The following SDK1 variants were observed in gnomAD, a reference collection of about 807,000 sequenced individuals.
SDK1 encodes sidekick cell adhesion molecule 1, also known as protein sidekick-1.
SDK1 carries 157 observed loss-of-function variants against 245.5 expected under a neutral mutation model. The observed-to-expected ratio is 0.64, with a 90% confidence interval of 0.56 to 0.73. The LOEUF (loss-of-function observed/expected upper bound fraction) is 0.73. Ranked by LOEUF, SDK1 falls within the 30% of genes least tolerant of loss-of-function variation. The probability of loss-of-function intolerance (pLI) is 0.00; values close to 1 mark genes in which losing one functional copy is unlikely to be tolerated. For synonymous variants in SDK1, 1,647 were observed against 1,278.5 expected (o/e 1.29, Z -6.15); for missense variants, 3,583 against 3,002.3 (o/e 1.19, Z -4.52).
intron 39 of SDK1, 85 bp downstream of exon 39, chr7:4,220,355 T>C: frequency 1.4e-6 from 2 of 1,448,504 alleles, no homozygotes; most frequent in Non-Finnish European, 1.9e-6. Context: ...TCCATCTACA[T>C]GGTCAACAAG....
At chr7:3,598,520 C>T (rs1033007456) in intron 1 of SDK1, among the ~76,000 whole-genome samples, 4 of 152,164 alleles carry the variant, frequency 2.6e-5, no homozygotes, top group African/African-American at 9.7e-5. Context: ...TACGGTATTA[C>T]AGCCAGGACA....
chr7:3,708,848 A>G (rs898526542), intron 4 of SDK1, among the ~76,000 whole-genome samples: 1 of 152,238 alleles, frequency 6.6e-6, no homozygotes, highest in Non-Finnish European at 1.5e-5. Context: ...TTTTCTATCT[A>G]TTCTGCCCAT....
Position 4,221,348 on chromosome 7 carries a change from C to T in SDK1, c.5811C>T (p.Ile1937=), listed in dbSNP as rs370797282. The T allele has an allele frequency of 4.0e-5, 64 of 1,609,716 alleles. No individual in the cohort carries two copies. The highest frequency in any genetic ancestry group is 1.7e-4 in the Middle Eastern group (1 of 6,040). ...SGDTPTTGYV[I]EARPSDEGLW... is the part of the protein sequence containing the mutation. ...ACACACCTACCACGGGCTATGTGAT[C>T]GAGGCCCGGCCCTCAGGTAGGGTGG... The change falls in exon 40 of 45, where the codon ATC becomes ATT. Residue 1937 remains isoleucine, a synonymous_variant. Coordinates refer to ENST00000404826, the MANE Select transcript of SDK1 (RefSeq NM_152744.4).
chr7:4,145,313 G>C (rs1779884537), intron 28 of SDK1, among the ~76,000 whole-genome samples: 1 of 152,162 alleles, frequency 6.6e-6, no homozygotes, highest in Non-Finnish European at 1.5e-5. Flanking sequence ...AGGCCATGCT[G>C]TCTTTTGCAA....
chr7:3,512,283 T>C (rs775380900), intron 1 of SDK1, among the ~76,000 whole-genome samples: 4 of 152,218 alleles, frequency 2.6e-5, no homozygotes, highest in Non-Finnish European at 5.9e-5. Flanking sequence ...TTTTCATAGC[T>C]CATTTGTTTG....
At chr7:3,847,927 C>A (rs958670377) in intron 5 of SDK1, among the ~76,000 whole-genome samples, 2 of 152,142 alleles carry the variant, frequency 1.3e-5, no homozygotes, top group Non-Finnish European at 2.9e-5. Flanking sequence ...CAGAATTAGA[C>A]CCTAATATAA....
At chr7:3,469,067 T>C (rs1781100781) in intron 1 of SDK1, among the ~76,000 whole-genome samples, 1 of 152,208 alleles carries the variant, frequency 6.6e-6, no homozygotes, top group African/African-American at 2.4e-5. Flanking sequence ...GCTGATTTTA[T>C]TTATTTATTT....
At chr7:3,921,571 C>G (rs1296449600) in intron 5 of SDK1, among the ~76,000 whole-genome samples, 1 of 152,094 alleles carries the variant, frequency 6.6e-6, no homozygotes, top group African/African-American at 2.4e-5. Flanking sequence ...CTAGCTCCAG[C>G]TTAAAAGTAG....
At chr7:4,006,174 A>G (rs570561890) in intron 14 of SDK1, among the ~76,000 whole-genome samples, 1 of 152,230 alleles carries the variant, frequency 6.6e-6, no homozygotes, top group East Asian at 1.9e-4. Context: ...AGCTTCCAGT[A>G]CATTTTCAAA....
At chr7:4,019,574 C>T (rs182621354) in intron 17 of SDK1, among the ~76,000 whole-genome samples, 3 of 151,780 alleles carry the variant, frequency 2.0e-5, no homozygotes, top group African/African-American at 4.8e-5. Flanking sequence ...AACCTGACTT[C>T]GATTGGTCCA....
At chr7:3,565,099 T>G (rs2128627462) in intron 1 of SDK1, among the ~76,000 whole-genome samples, 1 of 151,888 alleles carries the variant, frequency 6.6e-6, no homozygotes, top group African/African-American at 2.4e-5. Context: ...TACTGTCACT[T>G]TTATTACTTT....
At position 3,755,963 on chromosome 7, in the gene SDK1, C is replaced by A. The variant is rs778684565; in HGVS notation, c.714-65487C>A. ...ATCGTTTTAACTCTGACTCCTTTCACATGGCATAGCACGTGTGACACATGC... is the reference window on the plus strand; with the variant it reads ...ATCGTTTTAACTCTGACTCCTTTCAAATGGCATAGCACGTGTGACACATGC... On this transcript the variant is annotated intron_variant, in intron 4 of 44. Transcript: ENST00000404826. 3.9e-5 allele frequency among the ~76,000 whole-genome samples: 6 copies of A among 152,248 alleles called. No homozygotes were observed. The Middle Eastern group carries it at 0.014, about 348-fold the overall frequency.
chr7:4,250,246 T>G (rs757413735), intron 44 of SDK1, among the ~76,000 whole-genome samples: 7 of 152,246 alleles, frequency 4.6e-5, no homozygotes, highest in Non-Finnish European at 5.9e-5. Context: ...TCATCAGTTC[T>G]CTTTCACATT....
chr7:4,063,619 C>T (rs1219220258), intron 19 of SDK1, among the ~76,000 whole-genome samples: 1 of 140,718 alleles, frequency 7.1e-6, no homozygotes, highest in Non-Finnish European at 1.5e-5. Flanking sequence ...ACAAAAAACC[C>T]CGTAAATTCT....
chr7:3,967,174 C>T (rs1354647708), intron 9 of SDK1, 144 bp from the exon 10 acceptor site: 23 of 656,654 alleles, frequency 3.5e-5, no homozygotes, highest in East Asian at 2.1e-4. Context: ...GGAGGGCTGC[C>T]GTCCCTCCTG....
At chr7:3,821,884 A>G (rs1779656056) in intron 5 of SDK1, among the ~76,000 whole-genome samples, 1 of 152,246 alleles carries the variant, frequency 6.6e-6, no homozygotes, top group African/African-American at 2.4e-5. Flanking sequence ...AACAACAAAG[A>G]ACTTTCAATT....
rs762151638 is a variant in SDK1 at position 3,962,692 on chromosome 7, G to T, written c.1270G>T (p.Ala424Ser). 3 of 1,613,666 alleles carry T rather than the reference G, an allele frequency of 1.9e-6. No homozygotes were observed. Among genetic ancestry groups the T allele is most frequent in the Non-Finnish European group, 2.5e-6 (3 of 1,179,758 alleles). The change falls in exon 9 of 45, where the codon GCC becomes TCC. Residue 424 changes from alanine (A) to serine (S), a missense_variant. By Grantham distance (99) the Ala-to-Ser change is moderately conservative. Coordinates refer to ENST00000404826, the MANE Select transcript of SDK1 (RefSeq NM_152744.4). Reference protein sequence around the residue: ...PLPTLQWYKDAISISRLQNPR... With the variant: ...PLPTLQWYKDSISISRLQNPR... ...TCCCACCCTCCAGTGGTACAAGGAT[G>T]CCATCTCCATCAGCAGGCTCCAGAA... is the stretch of plus-strand genomic sequence containing the variant.
chr7:4,032,354 CTG>C (rs1267348127), intron 17 of SDK1, among the ~76,000 whole-genome samples: 1 of 152,164 alleles, frequency 6.6e-6, no homozygotes, highest in African/African-American at 2.4e-5. Context: ...ATACGGTAAA[CTG>C]TGCATGTACC....
At chr7:4,086,279 G>A (rs1000932571) in intron 22 of SDK1, among the ~76,000 whole-genome samples, 2 of 152,170 alleles carry the variant, frequency 1.3e-5, no homozygotes, top group Non-Finnish European at 2.9e-5. Context: ...ATTGGGATGT[G>A]TATTAGTATT....
Sources: allele counts gnomAD v4.1 joint callset (sites outside exome capture counted in the v4.1 genomes callset), GRCh38; gene constraint gnomAD v4.1.1; transcripts MANE v1.5; gene names NCBI Gene and HGNC (gene_info 2026-07-23, HGNC 2026-07-21).